RBM20: variants seen among roughly 807,000 people sequenced by gnomAD.
RBM20 encodes the protein RNA-binding protein 20.
A neutral mutation model predicts 110.1 loss-of-function variants in RBM20; 51 were observed. The observed-to-expected ratio is 0.46, with a 90% CI of 0.37 to 0.59. The LOEUF (loss-of-function observed/expected upper bound fraction) is 0.59. Among genes scored for constraint, RBM20 ranks in the 20% least tolerant of loss-of-function variants. The pLI is 0.00. For missense variants in RBM20, 1,512 were observed against 1,574.9 expected (o/e 0.96, Z 0.68); for synonymous variants, 589 against 618.2 (o/e 0.95, Z 0.70).
Position 110,644,386 on chromosome 10 carries a change from G to A in RBM20, c.-69G>A, listed in dbSNP as rs1184967155. On this transcript the variant is annotated 5_prime_UTR_variant, in exon 1 of 14. Coordinates refer to ENST00000369519, the MANE Select transcript of RBM20 (RefSeq NM_001134363.3). This position sits in a 1 kb window ranked among gnomAD's most constrained non-coding sequence, Gnocchi z 4.3. ...TGGGCACGGGGACCCCGGCCAGTGA[G>A]CGCCCGTGGCCCGGGACCGCCCCTC... The A allele has an allele frequency of 1.7e-5, 22 of 1,275,192 alleles. No individual in the cohort carries two copies. The highest frequency in any genetic ancestry group is 2.2e-5 in the Non-Finnish European group (22 of 986,066). The allele number at this position is 1,275,192 out of a possible 1,614,324, so 79.0% of individuals were successfully genotyped here.
At position 110,644,567 on chromosome 10, in the gene RBM20, C is replaced by G. The variant is rs1335624183; in HGVS notation, c.113C>G (p.Pro38Arg). The change falls in exon 1 of 14, where the codon CCG (proline) becomes CGG (arginine). Residue 38 changes from proline (P) to arginine (R), a missense_variant. Pro to Arg is a moderately radical substitution (Grantham distance 103). This residue lies in a region of RBM20 where 1,149 missense variants were observed against 1,169.4 expected (regional missense o/e 0.98). Transcript: ENST00000369519. The surrounding 1 kb of genome is among the most constrained non-coding windows in gnomAD (Gnocchi z 4.3). Reference sequence around the variant, plus strand: ...CGGGCGTCCCCGGCACCCTCCGGCCCGCGAGGGATGCAGCAGCCGCCGCCG... The same window carrying G: ...CGGGCGTCCCCGGCACCCTCCGGCCGGCGAGGGATGCAGCAGCCGCCGCCG... ...GARASPAPSGPRGMQQPPPPP... is the reference protein window; with the variant it reads ...GARASPAPSGRRGMQQPPPPP... 2 of 1,526,564 alleles carry G rather than the reference C, an allele frequency of 1.3e-6. No homozygotes were observed. Among genetic ancestry groups the G allele is most frequent in the South Asian group, 1.2e-5 (1 of 82,392 alleles). 94.6% of individuals were successfully genotyped at this position (1,526,564 alleles called of 1,614,324 possible). A position where few individuals can be genotyped will look rare whatever the true frequency, so the allele number is the denominator to read the frequency against.
At chr10:110,676,229 C>G (rs764867414) in intron 1 of RBM20, among the ~76,000 whole-genome samples, 4 of 152,148 alleles carry the variant, frequency 2.6e-5, no homozygotes, top group Non-Finnish European at 5.9e-5. Context: ...ATTGTACATC[C>G]CAGGGGCTGA....
intron 1 of RBM20, among the ~76,000 whole-genome samples, chr10:110,674,365 T>C (rs900069106): frequency 1.6e-4 from 25 of 152,208 alleles, no homozygotes; most frequent in Admixed American, 3.3e-4. Context: ...AAACCAAGAC[T>C]GCTGTTTTTG....
intron 1 of RBM20, among the ~76,000 whole-genome samples, chr10:110,706,326 T>A (rs910631777): frequency 6.6e-6 from 1 of 152,188 alleles, no homozygotes; most frequent in African/African-American, 2.4e-5. Context: ...TGGAGTGGCA[T>A]TGGCATACAA....
At chr10:110,714,018 A>C (rs982502090) in intron 1 of RBM20, among the ~76,000 whole-genome samples, 2 of 152,204 alleles carry the variant, frequency 1.3e-5, no homozygotes, top group Non-Finnish European at 1.5e-5. Context: ...AATGAAGCTT[A>C]CCCATCTCCT....
At chr10:110,814,787 C>G (rs567282728) in intron 9 of RBM20, among the ~76,000 whole-genome samples, 44 of 152,314 alleles carry the variant, frequency 2.9e-4, no homozygotes, top group African/African-American at 1.0e-3. Context: ...AGCCGCCGTG[C>G]CCTGCCAAGA....
chr10:110,780,961 A>G lies in RBM20; in HGVS notation c.352A>G (p.Thr118Ala), dbSNP rs878854253. ...TGTCACCAACAACACTGCAGCCGCCACAGTCCTGAACCAAGTCCTCTCCAA... is the reference window on the plus strand; with the variant it reads ...TGTCACCAACAACACTGCAGCCGCCGCAGTCCTGAACCAAGTCCTCTCCAA... ...TAVTNNTAAATVLNQVLSKVA... is the reference protein window; with the variant it reads ...TAVTNNTAAAAVLNQVLSKVA... The change falls in exon 2 of 14, where the codon ACA becomes GCA. Residue 118 changes from threonine (T) to alanine (A), a missense_variant. Coordinates refer to ENST00000369519, the MANE Select transcript of RBM20 (RefSeq NM_001134363.3). The G allele has an allele frequency of 3.9e-6, 6 of 1,551,668 alleles. No individual in the cohort carries two copies. In the South Asian group the frequency reaches 5.9e-5, roughly 15 times the overall value.
At chr10:110,761,893 T>A (rs1590660914) in intron 1 of RBM20, among the ~76,000 whole-genome samples, 1 of 152,212 alleles carries the variant, frequency 6.6e-6, no homozygotes, top group African/African-American at 2.4e-5. Flanking sequence ...CTTACCTTAA[T>A]ACTAGTTTTG....
At chr10:110,800,769 AACTTTAT>A (rs1209305241) in intron 7 of RBM20, among the ~76,000 whole-genome samples, 1 of 152,090 alleles carries the variant, frequency 6.6e-6, no homozygotes, top group Non-Finnish European at 1.5e-5. Flanking sequence ...CCTGTTTTTG[AACTTTAT>A]ATAAATGGAA....
At chr10:110,698,707 C>G (rs1483075372) in intron 1 of RBM20, among the ~76,000 whole-genome samples, 1 of 152,168 alleles carries the variant, frequency 6.6e-6, no homozygotes, top group Non-Finnish European at 1.5e-5. Context: ...CCTAGGGTAC[C>G]CCTCTCTGTC....
intron 9 of RBM20, among the ~76,000 whole-genome samples, chr10:110,816,150 G>A (rs1844834843): frequency 6.6e-6 from 1 of 152,052 alleles, no homozygotes. Context: ...TGCTGCTGCC[G>A]AGGAGCCACA....
chr10:110,684,071 A>G (rs533396182), intron 1 of RBM20, among the ~76,000 whole-genome samples: 2 of 152,362 alleles, frequency 1.3e-5, no homozygotes, highest in East Asian at 3.9e-4. Flanking sequence ...TAATTTTTCT[A>G]CAGTGTCAAG....
At chr10:110,780,624 T>G (rs998067537) in intron 1 of RBM20, among the ~76,000 whole-genome samples, 177 bp from the exon 2 acceptor site, 10 of 150,578 alleles carry the variant, frequency 6.6e-5, no homozygotes, top group African/African-American at 2.4e-4. Flanking sequence ...ATTGGAGTTT[T>G]TTTTTTTTTT....
rs144112426 is a variant in RBM20, at chr10:110,651,921, A to G, written c.191+7276A>G. On this transcript the variant is annotated intron_variant, in intron 1 of 13. Transcript: ENST00000369519. ...GAGTTGTGGAGAAACTTTATTTGGT[A>G]TTTGAAATGATCAATATTTTAACCT... 2.4e-3 allele frequency among the ~76,000 whole-genome samples: 364 copies of G among 152,352 alleles called. 2 individuals carry two copies. The highest frequency in any genetic ancestry group is 8.5e-3 in the African/African-American group (352 of 41,586).
chr10:110,748,990 A>T (rs1020835994), intron 1 of RBM20, among the ~76,000 whole-genome samples: 4 of 152,234 alleles, frequency 2.6e-5, no homozygotes, highest in Non-Finnish European at 5.9e-5. Flanking sequence ...ACTCTCAAGG[A>T]GCTTACTAAT....
chr10:110,748,982 T>A (rs1843819708), intron 1 of RBM20, among the ~76,000 whole-genome samples: 2 of 152,238 alleles, frequency 1.3e-5, no homozygotes, highest in Non-Finnish European at 2.9e-5. Context: ...TAGGCCTTAC[T>A]CTCAAGGAGC....
rs876657570 is a variant in RBM20 at position 110,781,018 on chromosome 10, C to T, written c.409C>T (p.Leu137=). Residue 137 remains leucine, a synonymous_variant, in exon 2 of 14, where the codon CTG becomes TTG. Coordinates refer to ENST00000369519, the MANE Select transcript of RBM20 (RefSeq NM_001134363.3). The part of the protein sequence containing the change: ...VAMSQPLFNQ[L]RHPSVITGPH... ...CATGTCCCAGCCTCTCTTCAATCAA[C>T]TGAGGCATCCGTCTGTGATCACTGG... 4 of 1,551,832 alleles carry T rather than the reference C, an allele frequency of 2.6e-6. No homozygotes were observed. Among genetic ancestry groups the T allele is most frequent in the African/African-American group, 2.7e-5 (2 of 73,056 alleles).
intron 1 of RBM20, among the ~76,000 whole-genome samples, chr10:110,729,855 T>C (rs1375846275): frequency 6.6e-6 from 1 of 152,238 alleles, no homozygotes; most frequent in African/African-American, 2.4e-5. Flanking sequence ...AGTCTCACTC[T>C]TGTTGTTGCC....
chr10:110,778,673 A>G (rs1844298359), intron 1 of RBM20, among the ~76,000 whole-genome samples: 1 of 152,238 alleles, frequency 6.6e-6, no homozygotes, highest in South Asian at 2.1e-4. Flanking sequence ...ATGTCCCAGA[A>G]TTCCAGTTCA....
Sources: gnomAD v4.1 joint callset for allele counts (sites outside exome capture counted in the v4.1 genomes callset) on GRCh38, gnomAD v4.1.1 for gene constraint, gnomAD v4.1.1 regional missense constraint, Gnocchi (gnomAD v3.1) non-coding constraint, MANE v1.5 for transcripts, NCBI Gene and HGNC (gene_info 2026-07-23, HGNC 2026-07-21) for gene names.